The following EDIL3 variants were observed in gnomAD, a reference collection of about 807,000 sequenced individuals.
EDIL3 encodes the protein EGF like and discoidin domains 3, also known as EGF-like repeat and discoidin I-like domain-containing protein 3.
EDIL3 carries 37 observed loss-of-function variants against 67.4 expected under a neutral mutation model. That is an observed-to-expected ratio of 0.55 (90% confidence interval 0.42 to 0.72). The LOEUF (loss-of-function observed/expected upper bound fraction) is 0.72, where lower values mean the gene tolerates loss of function less well. Among genes scored for constraint, EDIL3 ranks in the 30% least tolerant of loss-of-function variants. The pLI is 0.00. For missense variants in EDIL3, 527 were observed against 586.3 expected, an observed-to-expected ratio of 0.90 and a Z score of 1.04; for synonymous variants, 195 against 196.3, an observed-to-expected ratio of 0.99 and a Z score of 0.05.
intron 1 of EDIL3, among the ~76,000 whole-genome samples, chr5:84,339,273 A>G (rs1051626459): frequency 2.0e-5 from 3 of 152,178 alleles, no homozygotes; most frequent in Non-Finnish European, 4.4e-5. Flanking sequence ...TCTACTTCAT[A>G]GGGCAGTAGT....
intron 3 of EDIL3, among the ~76,000 whole-genome samples, chr5:84,192,311 A>T (rs1743607679): frequency 6.6e-6 from 1 of 151,932 alleles, no homozygotes; most frequent in African/African-American, 2.4e-5. Flanking sequence ...CAGCCTGTTA[A>T]TCCAAAGTCC....
chr5:84,261,590 G>A (rs1310587048), intron 1 of EDIL3, among the ~76,000 whole-genome samples: 1 of 152,162 alleles, frequency 6.6e-6, no homozygotes, highest in East Asian at 1.9e-4. Flanking sequence ...GAAGTATACA[G>A]AAGGAAATAA....
intron 1 of EDIL3, among the ~76,000 whole-genome samples, chr5:84,362,050 C>T (rs1747622961): frequency 6.6e-6 from 1 of 151,966 alleles, no homozygotes; most frequent in South Asian, 2.1e-4. Context: ...ATGTAGAATA[C>T]ATATAAGCCA....
intron 5 of EDIL3, among the ~76,000 whole-genome samples, chr5:84,108,513 T>C (rs1747503343): frequency 6.6e-6 from 1 of 152,178 alleles, no homozygotes; most frequent in Non-Finnish European, 1.5e-5. Context: ...CATTCATTAG[T>C]AGAATTGAAG....
intron 4 of EDIL3, among the ~76,000 whole-genome samples, chr5:84,141,940 T>G (rs374737731): frequency 3.4e-5 from 3 of 87,708 alleles, no homozygotes; most frequent in Non-Finnish European, 4.5e-5. Context: ...TATATATATA[T>G]ATATATACAT....
At chr5:84,360,959 T>C (rs1425967789) in intron 1 of EDIL3, among the ~76,000 whole-genome samples, 3 of 152,168 alleles carry the variant, frequency 2.0e-5, no homozygotes, top group Admixed American at 6.5e-5. Context: ...GTATTTTTTC[T>C]TAAAATGTTC....
chr5:84,192,920 G>A lies in EDIL3; in HGVS notation c.227-12399C>T, dbSNP rs375084162. Among the ~76,000 whole-genome samples, 6 of 151,944 alleles carry A rather than the reference G, an allele frequency of 3.9e-5. No individual in the cohort carries two copies. The East Asian group carries it at 5.9e-4, about 15-fold the overall frequency. On this transcript the variant is annotated intron_variant, in intron 3 of 10. Transcript: ENST00000296591. ...AGAAGTGAAGCATAGACTAGAAGCC[G>A]GAAACCAAGTAACAGCTAAGGTAAG... is the stretch of plus-strand genomic sequence containing the variant.
At chr5:84,246,498 A>G (rs760770775) in intron 2 of EDIL3, among the ~76,000 whole-genome samples, 1 of 152,236 alleles carries the variant, frequency 6.6e-6, no homozygotes, top group African/African-American at 2.4e-5. Flanking sequence ...TAAATCCATT[A>G]AACTCTGTGA....
intron 1 of EDIL3, among the ~76,000 whole-genome samples, chr5:84,354,562 CAGG>C (rs1747437185): frequency 6.7e-6 from 1 of 150,212 alleles, no homozygotes; most frequent in Non-Finnish European, 1.5e-5. Context: ...GAAGCTGAGG[CAGG>C]AGAATTGCTT....
intron 6 of EDIL3, 78 bp from the exon 7 acceptor site, chr5:84,066,684 A>G (rs1746647923): frequency 6.6e-7 from 1 of 1,514,384 alleles, no homozygotes; most frequent in Non-Finnish European, 8.9e-7. Flanking sequence ...TTTAGAAATG[A>G]AACATTGTTA....
At chr5:84,127,215 C>T (rs1009036551) in intron 5 of EDIL3, among the ~76,000 whole-genome samples, 14 of 151,998 alleles carry the variant, frequency 9.2e-5, no homozygotes, top group Non-Finnish European at 1.9e-4. Flanking sequence ...TATTTTCTGT[C>T]CCTGCTCCTG....
intron 1 of EDIL3, among the ~76,000 whole-genome samples, chr5:84,383,965 G>T (rs1023498926): frequency 6.6e-6 from 1 of 152,098 alleles, no homozygotes; most frequent in Non-Finnish European, 1.5e-5. Context: ...AGTCAGCATC[G>T]CCCGCACTGC....
intron 1 of EDIL3, among the ~76,000 whole-genome samples, chr5:84,302,505 C>T (rs1016691831): frequency 1.3e-5 from 2 of 152,088 alleles, no homozygotes; most frequent in Non-Finnish European, 2.9e-5. Flanking sequence ...ACTGTGTTAG[C>T]GAGGATGGTC....
chr5:84,042,613 C>G (rs906767142), intron 9 of EDIL3, among the ~76,000 whole-genome samples: 2 of 152,034 alleles, frequency 1.3e-5, no homozygotes, highest in African/African-American at 4.8e-5. Flanking sequence ...ACCTATTCTA[C>G]TGAGTAAAAG....
At position 83,941,928 on chromosome 5, in the gene EDIL3, A is replaced by C. The variant is rs181245129; in HGVS notation, c.*1491T>G. 6.6e-6 allele frequency: 1 copy of C among 152,194 alleles called. No homozygotes were observed. The highest frequency in any genetic ancestry group is 6.5e-5 in the Admixed American group (1 of 15,272). 9.4% of individuals were successfully genotyped at this position (152,194 alleles called of 1,614,324 possible). ...CTGTTAACACATGGACAGACAAGAC[A>C]GTAACAGTCTAGTGGCTTTTGTTAT... On this transcript the variant is annotated 3_prime_UTR_variant, in exon 11 of 11. Transcript: ENST00000296591.
At chr5:84,207,596 C>T (rs908664135) in intron 3 of EDIL3, among the ~76,000 whole-genome samples, 2 of 151,202 alleles carry the variant, frequency 1.3e-5, no homozygotes, top group Non-Finnish European at 3.0e-5. Flanking sequence ...CAAGTCAATC[C>T]TAAGCCAAAA....
chr5:84,080,509 C>T (rs758391102), intron 6 of EDIL3, among the ~76,000 whole-genome samples: 4 of 152,068 alleles, frequency 2.6e-5, no homozygotes, highest in Non-Finnish European at 2.9e-5. Flanking sequence ...ATTGCACGCT[C>T]ATCAAGGGTC....
chr5:84,238,345 T>C (rs1399013873), intron 2 of EDIL3, among the ~76,000 whole-genome samples: 3 of 151,862 alleles, frequency 2.0e-5, no homozygotes, highest in Non-Finnish European at 4.4e-5. Flanking sequence ...AAAATATAGA[T>C]CGACACATTT....
chr5:83,966,096 C>G (rs1259871726), intron 9 of EDIL3, among the ~76,000 whole-genome samples: 3 of 152,086 alleles, frequency 2.0e-5, no homozygotes, highest in Admixed American at 2.0e-4. Context: ...GCTCTGCCCT[C>G]TTGAAGATCT....
Sources: gnomAD v4.1 joint callset for allele counts (sites outside exome capture counted in the v4.1 genomes callset) on GRCh38, gnomAD v4.1.1 for gene constraint, MANE v1.5 for transcripts, NCBI Gene and HGNC (gene_info 2026-07-23, HGNC 2026-07-21) for gene names.